Variants in ZNRF2 observed in about 807,000 individuals in gnomAD.
ZNRF2 encodes E3 ubiquitin-protein ligase ZNRF2.
ZNRF2 carries 16 observed loss-of-function variants against 20.4 expected under a neutral mutation model. That is an observed-to-expected ratio of 0.79 (90% CI 0.53 to 1.19). The LOEUF is 1.19. Ranked by LOEUF, ZNRF2 falls within the 50% of genes most tolerant of loss-of-function variation. The pLI is 0.00. For synonymous variants in ZNRF2, 178 were observed against 144.9 expected, an observed-to-expected ratio of 1.23 and a Z score of -1.64; for missense variants, 363 against 332.4, an observed-to-expected ratio of 1.09 and a Z score of -0.72.
At chr7:30,322,397 C>T (rs1250951040) in intron 1 of ZNRF2, among the ~76,000 whole-genome samples, 1 of 152,164 alleles carries the variant, frequency 6.6e-6, no homozygotes, top group Admixed American at 6.5e-5. Context: ...TGTGAGAACA[C>T]ATGTGTTGGA....
intron 2 of ZNRF2, among the ~76,000 whole-genome samples, chr7:30,348,075 A>G (rs1031580817): frequency 3.3e-5 from 5 of 151,702 alleles, no homozygotes; most frequent in Non-Finnish European, 4.4e-5. Context: ...ACATGCAAGC[A>G]TTTATTGGTA....
At chr7:30,332,392 A>T (rs970102396) in intron 2 of ZNRF2, among the ~76,000 whole-genome samples, 25 of 151,896 alleles carry the variant, frequency 1.6e-4, no homozygotes, top group African/African-American at 5.1e-4. Flanking sequence ...TCGGTTGAGG[A>T]GGTGGGGTAC....
chr7:30,332,136 C>A (rs1487935279), intron 2 of ZNRF2, among the ~76,000 whole-genome samples: 1 of 152,132 alleles, frequency 6.6e-6, no homozygotes, highest in African/African-American at 2.4e-5. Context: ...AATTCTGTCA[C>A]TTAATAGGAG....
intron 1 of ZNRF2, among the ~76,000 whole-genome samples, chr7:30,305,128 A>G (rs777371719): frequency 1.3e-5 from 2 of 152,182 alleles, no homozygotes; most frequent in Non-Finnish European, 2.9e-5. Flanking sequence ...TCTGTGTTCA[A>G]TGATACCACT....
Position 30,326,809 on chromosome 7 carries a change from G to T in ZNRF2, c.565+3072G>T, listed in dbSNP as rs184785404. On this transcript the variant is annotated intron_variant, in intron 2 of 4. Transcript: ENST00000323037. ...GCCTCTCCAACATGTATTTTTTTTT[G>T]ACTTTTTAATAATACGCATTCTGAC... Among the ~76,000 whole-genome samples the T allele has an allele frequency of 6.0e-5, 9 of 150,732 alleles. No homozygotes were observed. The East Asian group carries it at 1.2e-3, about 19-fold the overall frequency.
chr7:30,321,099 T>C (rs1009441712), intron 1 of ZNRF2, among the ~76,000 whole-genome samples: 3 of 152,122 alleles, frequency 2.0e-5, no homozygotes, highest in Admixed American at 6.5e-5. Context: ...CCTGGTATTC[T>C]CAATTCCGAA....
chr7:30,315,578 G>C (rs963279296), intron 1 of ZNRF2, among the ~76,000 whole-genome samples: 1 of 151,978 alleles, frequency 6.6e-6, no homozygotes, highest in African/African-American at 2.4e-5. Flanking sequence ...AGTCTACCTG[G>C]CTTGGGAGTA....
rs1315982767 is a variant in ZNRF2 at position 30,285,650 on chromosome 7, A to G, written c.293A>G (p.Gln98Arg). The G allele has an allele frequency of 1.7e-5, 22 of 1,269,116 alleles. 1 individual carries two copies. The Admixed American group carries it at 4.6e-4, about 27-fold the overall frequency. 78.6% of individuals were successfully genotyped at this position (1,269,116 alleles called of 1,614,324 possible). A position where few individuals can be genotyped will look rare whatever the true frequency, so the allele number is the denominator to read the frequency against. ...GSVASGARAA[Q>R]SPFSIPNSSS... Reference sequence around the variant, plus strand: ...GTGGCGTCGGGGGCCCGCGCGGCGCAGTCCCCCTTCAGCATCCCGAACAGC... The same window carrying G: ...GTGGCGTCGGGGGCCCGCGCGGCGCGGTCCCCCTTCAGCATCCCGAACAGC... Residue 98 changes from glutamine (Q) to arginine (R), a missense_variant, in exon 1 of 5, where the codon CAG (glutamine) becomes CGG (arginine). Coordinates refer to ENST00000323037, the MANE Select transcript of ZNRF2 (RefSeq NM_147128.4).
intron 1 of ZNRF2, among the ~76,000 whole-genome samples, chr7:30,321,984 TA>T (rs1392049840): frequency 6.6e-6 from 1 of 151,746 alleles, no homozygotes; most frequent in Non-Finnish European, 1.5e-5. Context: ...GGGCCACACA[TA>T]AAATACACTA....
Position 30,323,663 on chromosome 7 carries a change from C to A in ZNRF2, c.491C>A (p.Ser164Ter). The A allele has an allele frequency of 6.2e-7, 1 of 1,600,306 alleles. No individual in the cohort carries two copies. The highest frequency in any genetic ancestry group is 1.1e-5 in the South Asian group (1 of 88,074). ...TTAGGATTTAAGTGCCCTGTATGCT[C>A]AAAATTTGTATCCTCAGATGAAATG... is the stretch of plus-strand genomic sequence containing the variant. The part of the protein sequence containing the change: ...MFGGFKCPVC[S>*]KFVSSDEMDL... Residue 164 changes from serine to a stop codon, truncating the protein, a stop_gained, in exon 2 of 5, where the codon TCA becomes TAA. Coordinates refer to ENST00000323037, the MANE Select transcript of ZNRF2 (RefSeq NM_147128.4). LOFTEE classifies it high-confidence loss of function.
At chr7:30,307,317 T>TTTTTTTTTG in intron 1 of ZNRF2, among the ~76,000 whole-genome samples, 1 of 129,984 alleles carries the variant, frequency 7.7e-6, no homozygotes, top group South Asian at 2.3e-4. Flanking sequence ...CTTTCTGCTG[T>TTTTTTTTTG]TTTTTTTTGT....
At chr7:30,348,647 A>G (rs931168978) in intron 2 of ZNRF2, among the ~76,000 whole-genome samples, 1 of 151,974 alleles carries the variant, frequency 6.6e-6, no homozygotes, top group Admixed American at 6.6e-5. Context: ...ATGGCATTCT[A>G]CTCGTAAAAG....
intron 1 of ZNRF2, among the ~76,000 whole-genome samples, chr7:30,287,455 A>G (rs1054701303): frequency 1.3e-5 from 2 of 152,248 alleles, no homozygotes; most frequent in Non-Finnish European, 2.9e-5. Flanking sequence ...GCTGATTTCT[A>G]AAAATTCATT....
chr7:30,314,493 TA>T (rs1401688765), intron 1 of ZNRF2, among the ~76,000 whole-genome samples: 7 of 152,110 alleles, frequency 4.6e-5, no homozygotes, highest in African/African-American at 9.7e-5. Context: ...GCTAATGGGA[TA>T]TTTTTGGGAG....
At chr7:30,292,962 T>C (rs946662603) in intron 1 of ZNRF2, among the ~76,000 whole-genome samples, 15 of 152,162 alleles carry the variant, frequency 9.9e-5, no homozygotes, top group African/African-American at 3.1e-4. Flanking sequence ...AAAGGATTAC[T>C]CTGGCTATTG....
intron 3 of ZNRF2, 84 bp from the exon 4 acceptor site, chr7:30,362,293 A>G: frequency 1.1e-6 from 1 of 887,770 alleles, no homozygotes; most frequent in Non-Finnish European, 1.7e-6. Context: ...AAAATATATT[A>G]AAGTCAAGTA....
At position 30,285,723 on chromosome 7, in the gene ZNRF2, G is replaced by GGAC. The variant is rs2128053078; in HGVS notation, c.368_370dup (p.Asp123dup). ...AGGACTCGGTGCACAGCAGCCCTGA[G>GGAC]GACGGCGGCGGCGGCCGGGACCGGC... On this transcript the variant is annotated inframe_insertion, in exon 1 of 5. Transcript: ENST00000323037. The GGAC allele has an allele frequency of 1.4e-6, 2 of 1,475,568 alleles. No individual in the cohort carries two copies. Among genetic ancestry groups the GGAC allele is most frequent in the African/African-American group, 1.5e-5 (1 of 67,080 alleles). The allele number at this position is 1,475,568 out of a possible 1,614,324, so 91.4% of individuals were successfully genotyped here. A position where few individuals can be genotyped will look rare whatever the true frequency, so the allele number is the denominator to read the frequency against.
intron 1 of ZNRF2, among the ~76,000 whole-genome samples, chr7:30,320,778 T>C (rs978817560): frequency 7.2e-5 from 11 of 152,230 alleles, no homozygotes; most frequent in African/African-American, 2.7e-4. Flanking sequence ...CCTTTTGTTT[T>C]TGATATACAT....
intron 1 of ZNRF2, among the ~76,000 whole-genome samples, chr7:30,310,564 A>G (rs1372354223): frequency 6.6e-6 from 1 of 152,190 alleles, no homozygotes; most frequent in Middle Eastern, 3.2e-3. Context: ...CTGAAATTTG[A>G]ATTTCCTATA....
Sources: allele counts gnomAD v4.1 joint callset (sites outside exome capture counted in the v4.1 genomes callset), GRCh38; gene constraint gnomAD v4.1.1; transcripts MANE v1.5; gene names NCBI Gene and HGNC (gene_info 2026-07-23, HGNC 2026-07-21).